GRID1: variants seen among roughly 807,000 people sequenced by gnomAD.
The protein encoded by GRID1 is glutamate ionotropic receptor delta type subunit 1.
In GRID1, 28 loss-of-function variants were observed where a neutral mutation model predicts 98.0. That is an observed-to-expected ratio of 0.29 (90% confidence interval 0.21 to 0.39). The LOEUF is 0.39. Among genes scored for constraint, GRID1 ranks in the 10% least tolerant of loss-of-function variants. GRID1 has a pLI of 1.00. For synonymous variants in GRID1, 553 were observed against 538.5 expected (o/e 1.03, Z -0.37); for missense variants, 1,111 against 1,340.5 (o/e 0.83, Z 2.67).
chr10:86,196,721 C>T (rs1448864900), intron 3 of GRID1, among the ~76,000 whole-genome samples: 1 of 151,958 alleles, frequency 6.6e-6, no homozygotes, highest in Non-Finnish European at 1.5e-5. Flanking sequence ...CAGTCCTGAC[C>T]CCTGGCATAC....
intron 4 of GRID1, among the ~76,000 whole-genome samples, chr10:85,977,981 C>G (rs1049190720): frequency 6.6e-6 from 1 of 152,160 alleles, no homozygotes; most frequent in Non-Finnish European, 1.5e-5. Flanking sequence ...ATGAGAGTGC[C>G]GAGGTCAATT....
intron 12 of GRID1, among the ~76,000 whole-genome samples, chr10:85,705,577 A>G (rs1286160444): frequency 6.6e-6 from 1 of 152,234 alleles, no homozygotes; most frequent in Non-Finnish European, 1.5e-5. Flanking sequence ...CAACCAATAG[A>G]AAAGGAGGGA....
intron 2 of GRID1, among the ~76,000 whole-genome samples, chr10:86,237,442 T>G (rs901118597): frequency 1.3e-5 from 2 of 152,208 alleles, no homozygotes; most frequent in Non-Finnish European, 2.9e-5. Context: ...GGCTCACGCC[T>G]GTAATCCCAA....
intron 5 of GRID1, among the ~76,000 whole-genome samples, chr10:85,909,032 C>A (rs1841500545): frequency 1.3e-5 from 2 of 152,132 alleles, no homozygotes; most frequent in South Asian, 4.1e-4. Flanking sequence ...AAGTATATAT[C>A]TGATTTTTAA....
chr10:86,346,819 C>T (rs567719949), intron 2 of GRID1, among the ~76,000 whole-genome samples: 1 of 152,296 alleles, frequency 6.6e-6, no homozygotes. Flanking sequence ...TCAGGGTTCC[C>T]CACAAATGTG....
rs1379239892 is a variant in GRID1, at chr10:86,365,327, A to C, written c.79+987T>G. 8.3e-5 allele frequency among the ~76,000 whole-genome samples: 12 copies of C among 145,244 alleles called. No individual in the cohort carries two copies. Among genetic ancestry groups the C allele is most frequent in the South Asian group, 2.2e-4 (1 of 4,546 alleles). On this transcript the variant is annotated intron_variant, in intron 1 of 15. Coordinates refer to ENST00000327946, the MANE Select transcript of GRID1 (RefSeq NM_017551.3). The surrounding 1 kb of genome is among the most constrained non-coding windows in gnomAD (Gnocchi z 4.8). ...TCCCTGTGCTCGCTGGTCTTTCCCA[A>C]CTTCCGGAAAGACGACTGCGGAGGG...
chr10:85,708,150 TC>T (rs71016105), intron 12 of GRID1, among the ~76,000 whole-genome samples: 150,292 of 150,294 alleles, frequency 1, 75,145 homozygotes, highest in Middle Eastern at 1. Flanking sequence ...TAGCCTATAA[TC>T]CCCAGCACTT....
chr10:86,262,665 G>A lies in GRID1; in HGVS notation c.236-56017C>T, dbSNP rs539880041. Among the ~76,000 whole-genome samples the A allele has an allele frequency of 2.0e-5, 3 of 152,346 alleles. No individual in the cohort carries two copies. In the South Asian group the frequency reaches 6.2e-4, roughly 32 times the overall value. ...TCACTGTTAACAAACTGAGCTCAGA[G>A]AGGTTAAATAACTTGCCTGAAGATC... On this transcript the variant is annotated intron_variant, in intron 2 of 15. Transcript: ENST00000327946.
chr10:86,287,233 C>A (rs981605219), intron 2 of GRID1, among the ~76,000 whole-genome samples: 4 of 152,172 alleles, frequency 2.6e-5, no homozygotes, highest in African/African-American at 9.7e-5. Context: ...ATATGAGAAG[C>A]CTGAACTGCA....
At chr10:86,161,422 C>T (rs1454904300) in intron 3 of GRID1, among the ~76,000 whole-genome samples, 1 of 152,124 alleles carries the variant, frequency 6.6e-6, no homozygotes, top group Non-Finnish European at 1.5e-5. Flanking sequence ...GAAGCTCCCA[C>T]CTGGTGCCAG....
At chr10:86,130,168 A>G (rs1844813422) in intron 4 of GRID1, among the ~76,000 whole-genome samples, 3 of 152,060 alleles carry the variant, frequency 2.0e-5, no homozygotes, top group African/African-American at 7.3e-5. Flanking sequence ...GTAACAACAC[A>G]TGCTTACTGT....
intron 5 of GRID1, among the ~76,000 whole-genome samples, chr10:85,883,502 C>T (rs537516127): frequency 6.8e-6 from 1 of 147,252 alleles, no homozygotes; most frequent in Admixed American, 6.8e-5. Context: ...GTCTCTCTCT[C>T]TCTCTCTGTC....
Position 86,366,001 on chromosome 10 carries a change from G to A in GRID1, c.79+313C>T, listed in dbSNP as rs1273918103. Among the ~76,000 whole-genome samples, 1 of 151,992 alleles carries A rather than the reference G, an allele frequency of 6.6e-6. No homozygotes were observed. The highest frequency in any genetic ancestry group is 2.4e-5 in the African/African-American group (1 of 41,404). ...CTGCGCAGAAGGGCCCTCCCGACCCGCCGACGGCCCCGCTAAGGGCGCGGG... is the reference window on the plus strand; with the variant it reads ...CTGCGCAGAAGGGCCCTCCCGACCCACCGACGGCCCCGCTAAGGGCGCGGG... On this transcript the variant is annotated intron_variant, in intron 1 of 15. Transcript: ENST00000327946. The surrounding 1 kb of genome is among the most constrained non-coding windows in gnomAD (Gnocchi z 4.1).
At chr10:85,854,667 G>A (rs1339508172) in intron 7 of GRID1, 52 bp from the exon 8 acceptor site, 2 of 1,604,020 alleles carry the variant, frequency 1.2e-6, no homozygotes, top group Non-Finnish European at 1.7e-6. Flanking sequence ...GTAGAGGATG[G>A]AGTCCCAAAG....
chr10:85,826,847 C>T (rs1297641870), intron 8 of GRID1, among the ~76,000 whole-genome samples: 1 of 152,148 alleles, frequency 6.6e-6, no homozygotes, highest in South Asian at 2.1e-4. Flanking sequence ...TTAGAGCAGG[C>T]AGCCCAGGAG....
At chr10:86,105,024 T>C (rs1844360336) in intron 4 of GRID1, among the ~76,000 whole-genome samples, 1 of 152,234 alleles carries the variant, frequency 6.6e-6, no homozygotes, top group African/African-American at 2.4e-5. Flanking sequence ...TCCTACCCAC[T>C]TCTGACTTCA....
At chr10:85,881,574 T>A (rs1197736583) in intron 5 of GRID1, among the ~76,000 whole-genome samples, 1 of 152,198 alleles carries the variant, frequency 6.6e-6, no homozygotes, top group Non-Finnish European at 1.5e-5. Context: ...TAGCCATATG[T>A]AGAAAGCTGA....
At chr10:86,329,627 A>C (rs1199613967) in intron 2 of GRID1, among the ~76,000 whole-genome samples, 1 of 152,084 alleles carries the variant, frequency 6.6e-6, no homozygotes, top group African/African-American at 2.4e-5. Context: ...CCTGGTCCAC[A>C]CTCACTGACT....
chr10:85,660,467 A>AGACC (rs1383992640), intron 12 of GRID1, among the ~76,000 whole-genome samples: 1 of 152,210 alleles, frequency 6.6e-6, no homozygotes, highest in African/African-American at 2.4e-5. Context: ...AAACATATCC[A>AGACC]GACCTGGTGC....
Sources: allele counts gnomAD v4.1 joint callset (sites outside exome capture counted in the v4.1 genomes callset), GRCh38; gene constraint gnomAD v4.1.1; non-coding constraint Gnocchi (gnomAD v3.1); transcripts MANE v1.5; gene names NCBI Gene and HGNC (gene_info 2026-07-23, HGNC 2026-07-21).